Variants in ANKUB1 observed in about 807,000 individuals in gnomAD.
ANKUB1 encodes ankyrin repeat and ubiquitin domain containing 1.
In ANKUB1, 42 loss-of-function variants were observed where a neutral mutation model predicts 49.3. That is an observed-to-expected ratio of 0.85 (90% CI 0.67 to 1.10). The LOEUF (loss-of-function observed/expected upper bound fraction) is 1.10, where lower values mean the gene tolerates loss of function less well. Among genes scored for constraint, ANKUB1 ranks in the 50% least tolerant of loss-of-function variants. ANKUB1 has a pLI of 0.00. For synonymous variants in ANKUB1, 222 were observed against 231.0 expected (o/e 0.96, Z 0.35); for missense variants, 613 against 642.0 (o/e 0.95, Z 0.49).
chr3:149,764,677 T>TTTCC (rs145638423), intron 5 of ANKUB1, among the ~76,000 whole-genome samples: 65,604 of 140,306 alleles, frequency 0.47, 15,690 homozygotes, highest in Middle Eastern at 0.59. Flanking sequence ...TTTCTTTTTC[T>TTTCC]TTCCTTCCTT....
intron 5 of ANKUB1, among the ~76,000 whole-genome samples, chr3:149,763,507 A>G (rs1052991841): frequency 6.6e-6 from 1 of 152,248 alleles, no homozygotes; most frequent in East Asian, 1.9e-4. Context: ...AAAGAGCTGT[A>G]CTTGTATCCA....
chr3:149,762,702 G>GA (rs1716831507), intron 5 of ANKUB1, among the ~76,000 whole-genome samples: 1 of 152,142 alleles, frequency 6.6e-6, no homozygotes, highest in Admixed American at 6.5e-5. Context: ...CTTACTTCAT[G>GA]AAAAAGAACT....
At chr3:149,790,705 A>C in intron 2 of ANKUB1, 76 bp downstream of exon 2, 2 of 1,365,740 alleles carry the variant, frequency 1.5e-6, no homozygotes, top group Non-Finnish European at 2.0e-6. Flanking sequence ...TTATGGAATT[A>C]CTTTGGTTGA....
At chr3:149,775,820 A>G (rs1192632893) in intron 3 of ANKUB1, among the ~76,000 whole-genome samples, 1 of 152,162 alleles carries the variant, frequency 6.6e-6, no homozygotes, top group Non-Finnish European at 1.5e-5. Flanking sequence ...AGCAAAAGCC[A>G]GGGCAGTGAT....
chr3:149,774,585 A>G (rs1717507847), intron 3 of ANKUB1, among the ~76,000 whole-genome samples: 2 of 152,206 alleles, frequency 1.3e-5, no homozygotes. Flanking sequence ...AAAACTACAG[A>G]GAGGACCGTA....
At chr3:149,780,547 A>G in intron 2 of ANKUB1, 92 bp from the exon 3 acceptor site, 5 of 886,964 alleles carry the variant, frequency 5.6e-6, no homozygotes, top group Non-Finnish European at 8.9e-6. Flanking sequence ...CTCTAGCTCC[A>G]CGACATGGGT....
intron 3 of ANKUB1, among the ~76,000 whole-genome samples, chr3:149,775,286 T>C (rs1184037307): frequency 6.6e-6 from 1 of 152,184 alleles, no homozygotes; most frequent in African/African-American, 2.4e-5. Flanking sequence ...GTTTCTCTGG[T>C]TTGAGCTTCC....
intron 2 of ANKUB1, among the ~76,000 whole-genome samples, chr3:149,782,410 G>A (rs1400658435): frequency 6.6e-6 from 1 of 151,942 alleles, no homozygotes; most frequent in Non-Finnish European, 1.5e-5. Context: ...AGTTAACTAG[G>A]TGTGTGAGGT....
At chr3:149,788,929 C>T (rs936818171) in intron 2 of ANKUB1, among the ~76,000 whole-genome samples, 2 of 151,944 alleles carry the variant, frequency 1.3e-5, no homozygotes, top group Non-Finnish European at 2.9e-5. Context: ...GTGTGCCCAC[C>T]ACACCCAGCT....
intron 5 of ANKUB1, among the ~76,000 whole-genome samples, chr3:149,764,260 A>T (rs1443372041): frequency 6.6e-6 from 1 of 152,106 alleles, no homozygotes; most frequent in South Asian, 2.1e-4. Flanking sequence ...TGTGACTTCT[A>T]TGGGGAACTT....
intron 2 of ANKUB1, among the ~76,000 whole-genome samples, chr3:149,782,641 G>C (rs1408364442): frequency 6.6e-6 from 1 of 152,046 alleles, no homozygotes; most frequent in African/African-American, 2.4e-5. Flanking sequence ...CAAACTCCTA[G>C]ACTCAAGCAA....
chr3:149,767,603 G>A lies in ANKUB1; in HGVS notation c.1059C>T (p.Thr353=). 5 of 1,551,606 alleles carry A rather than the reference G, an allele frequency of 3.2e-6. No individual in the cohort carries two copies. Among genetic ancestry groups the A allele is most frequent in the Non-Finnish European group, 4.4e-6 (5 of 1,146,978 alleles). Residue 353 remains threonine, a synonymous_variant, in exon 5 of 6, where the codon ACC becomes ACT. Coordinates refer to ENST00000446160, the MANE Select transcript of ANKUB1 (RefSeq NM_001144960.3). ...AGCTCTTGGAGGTCATTTTTGGTTT[G>A]GTGAAACCATCCACCATCACAGTGT... ...VGDTVMVDGF[T]KPKMTSKSWH...
chr3:149,777,928 A>AT (rs1717675421), intron 3 of ANKUB1, among the ~76,000 whole-genome samples: 1 of 152,088 alleles, frequency 6.6e-6, no homozygotes, highest in Non-Finnish European at 1.5e-5. Context: ...TAAATCTTTG[A>AT]TTTTCAACCT....
chr3:149,770,171 C>T lies in ANKUB1; in HGVS notation c.566+389G>A, dbSNP rs116246922. The stretch of plus-strand genomic sequence containing the variant: ...TATGGTATATAATACATATACACAA[C>T]GTGTTAATTGACTGTGTTATCAGTA... On this transcript the variant is annotated intron_variant, in intron 4 of 5. Coordinates refer to ENST00000446160, the MANE Select transcript of ANKUB1 (RefSeq NM_001144960.3). Among the ~76,000 whole-genome samples, 267 of 152,162 alleles carry T rather than the reference C, an allele frequency of 1.8e-3. 1 individual carries two copies. Among genetic ancestry groups the T allele is most frequent in the Non-Finnish European group, 3.0e-3 (207 of 67,996 alleles).
chr3:149,788,760 TTTTTCTTTTTCTTTTC>T (rs1264239094), intron 2 of ANKUB1, among the ~76,000 whole-genome samples: 2 of 151,702 alleles, frequency 1.3e-5, no homozygotes, highest in Admixed American at 1.3e-4. Flanking sequence ...AAGGGAGAGT[TTTTTCTTTTTCTTTTC>T]TTTTCTTTTT....
chr3:149,788,801 G>C (rs552251717), intron 2 of ANKUB1, among the ~76,000 whole-genome samples: 1 of 152,170 alleles, frequency 6.6e-6, no homozygotes, highest in African/African-American at 2.4e-5. Context: ...TTTTGAGACA[G>C]AGTCTCACTC....
chr3:149,790,776 C>A lies in ANKUB1; in HGVS notation c.234+5G>T. On this transcript the variant is annotated splice_donor_5th_base_variant and intron_variant, in intron 2 of 5. Coordinates refer to ENST00000446160, the MANE Select transcript of ANKUB1 (RefSeq NM_001144960.3). Reference sequence around the variant, plus strand: ...CTTAGACGAATATTATCCTGACCATCATACCTTAACAAAGCATTTGAGAGT... The same window carrying A: ...CTTAGACGAATATTATCCTGACCATAATACCTTAACAAAGCATTTGAGAGT... 6.5e-7 allele frequency: 1 copy of A among 1,548,264 alleles called. No individual in the cohort carries two copies. The highest frequency in any genetic ancestry group is 8.7e-7 in the Non-Finnish European group (1 of 1,145,896).
Position 149,767,704 on chromosome 3 carries a change from T to C in ANKUB1, c.958A>G (p.Ile320Val). 6.4e-7 allele frequency: 1 copy of C among 1,551,662 alleles called. No homozygotes were observed. The change falls in exon 5 of 6, where the codon ATC (isoleucine) becomes GTC (valine). Residue 320 changes from isoleucine (I) to valine (V), a missense_variant. Transcript: ENST00000446160. ...MRIYIKIKQW[I>V]LRAQSHSLHK... ...AGACTGTGACTCTGAGCTCTGAGGA[T>C]CCATTGTTTTATTTTAATATAAATC...
intron 3 of ANKUB1, 94 bp downstream of exon 3, chr3:149,780,145 C>G: frequency 1.0e-6 from 1 of 982,436 alleles, no homozygotes; most frequent in East Asian, 2.6e-5. Context: ...ATATGAAAAT[C>G]TAGATTTCTA....
Sources: gnomAD v4.1 joint callset for allele counts (sites outside exome capture counted in the v4.1 genomes callset) on GRCh38, gnomAD v4.1.1 for gene constraint, MANE v1.5 for transcripts, NCBI Gene and HGNC (gene_info 2026-07-23, HGNC 2026-07-21) for gene names.